BTNL9: variants seen among roughly 807,000 people sequenced by gnomAD.
The protein encoded by BTNL9 is butyrophilin like 9.
In BTNL9, 45 loss-of-function variants were observed where a neutral mutation model predicts 45.8. The observed-to-expected ratio is 0.98, with a 90% CI of 0.77 to 1.26. The LOEUF is 1.26. Ranked by LOEUF, BTNL9 falls within the 50% of genes most tolerant of loss-of-function variation. BTNL9 has a pLI of 0.00. For synonymous variants in BTNL9, 346 were observed against 330.8 expected (o/e 1.05, Z -0.50); for missense variants, 784 against 729.7 (o/e 1.07, Z -0.86).
intron 3 of BTNL9, 150 bp downstream of exon 3, chr5:181,048,421 A>G (rs1761307479): frequency 1.4e-5 from 11 of 761,322 alleles, no homozygotes; most frequent in Non-Finnish European, 2.0e-5. Flanking sequence ...TGAACAAACA[A>G]AACAAACAGT....
Position 181,059,834 on chromosome 5 carries a change from C to T in BTNL9, c.1580C>T (p.Pro527Leu). The part of the protein sequence containing the change: ...DSDTWLQPYE[P>L]ADPALDWW ...GACACCTGGCTACAGCCCTATGAGC[C>T]CGCGGACCCCGCCCTGGACTGGTGG... Residue 527 changes from proline to leucine, a missense_variant, in exon 11 of 11, where the codon CCC becomes CTC. By Grantham distance (98) the Pro-to-Leu change is moderately conservative. Coordinates refer to ENST00000327705, the MANE Select transcript of BTNL9 (RefSeq NM_152547.5). The T allele has an allele frequency of 6.3e-7, 1 of 1,587,498 alleles. No homozygotes were observed. The highest frequency in any genetic ancestry group is 8.5e-7 in the Non-Finnish European group (1 of 1,173,014).
Position 181,053,282 on chromosome 5 carries a change from G to A in BTNL9, c.819G>A (p.Ala273=). ...LPLLLVLAAL[A]LGVLRKQRRS... is the part of the protein sequence containing the mutation. Reference sequence around the variant, plus strand: ...TGCTGTTGGTCCTCGCGGCGCTGGCGCTGGGCGTCCTCCGGAAGCAGCGGA... The same window carrying A: ...TGCTGTTGGTCCTCGCGGCGCTGGCACTGGGCGTCCTCCGGAAGCAGCGGA... Residue 273 remains alanine, a synonymous_variant, in exon 5 of 11, where the codon GCG becomes GCA. Coordinates refer to ENST00000327705, the MANE Select transcript of BTNL9 (RefSeq NM_152547.5). This position sits in a 1 kb window ranked among gnomAD's most constrained non-coding sequence, Gnocchi z 6.5. The A allele has an allele frequency of 1.3e-6, 2 of 1,582,938 alleles. No homozygotes were observed. The highest frequency in any genetic ancestry group is 8.6e-7 in the Non-Finnish European group (1 of 1,166,320).
chr5:181,057,539 A>G (rs1561987676), intron 9 of BTNL9, among the ~76,000 whole-genome samples: 1 of 152,224 alleles, frequency 6.6e-6, no homozygotes, highest in Non-Finnish European at 1.5e-5. Flanking sequence ...TGGCTTTTGT[A>G]GTAGCTGAAA....
rs776704593 is a variant in BTNL9, at chr5:181,050,135, G to A, written c.502G>A (p.Gly168Ser). ...HLSLEGFKEG[G>S]IQLRLRSSGW... ...CTCCCTTGAGGGCTTCAAGGAAGGA[G>A]GCATTCAGCTGAGGCTCAGATCCAG... Residue 168 changes from glycine (G) to serine (S), a missense_variant, in exon 4 of 11, where the codon GGC (glycine) becomes AGC (serine). Gly to Ser is a moderately conservative substitution (Grantham distance 56). Coordinates refer to ENST00000327705, the MANE Select transcript of BTNL9 (RefSeq NM_152547.5). This position sits in a 1 kb window ranked among gnomAD's most constrained non-coding sequence, Gnocchi z 4.9. 3.1e-6 allele frequency: 5 copies of A among 1,614,124 alleles called. No individual in the cohort carries two copies. The highest frequency in any genetic ancestry group is 4.2e-6 in the Non-Finnish European group (5 of 1,180,034).
chr5:181,048,726 T>TG lies in BTNL9; in HGVS notation c.454+455_454+456insG, dbSNP rs1491291864. ...CTCTGTCTTGAAATATATATATATATCTATATATATATCTATCTATATATA... is the reference window on the plus strand; with the variant it reads ...CTCTGTCTTGAAATATATATATATATGCTATATATATATCTATCTATATATA... On this transcript the variant is annotated intron_variant, in intron 3 of 10. Coordinates refer to ENST00000327705, the MANE Select transcript of BTNL9 (RefSeq NM_152547.5). Among the ~76,000 whole-genome samples the TG allele has an allele frequency of 2.8e-4, 35 of 124,012 alleles. 1 individual carries two copies. The highest frequency in any genetic ancestry group is 1.1e-3 in the African/African-American group (34 of 30,596). 81.4% of individuals were successfully genotyped at this position (124,012 alleles called of 152,430 possible).
rs199625985 is a variant in BTNL9 at position 181,048,243 on chromosome 5, C to T, written c.426C>T (p.Gly142=). The stretch of plus-strand genomic sequence containing the variant: ...GCTTCCACTCCGACAACTTCTCTGG[C>T]GAAGCTCTCTGGGAACTGGAGGTAG... The part of the protein sequence containing the change: ...GCRFHSDNFS[G]EALWELEVAG... The change falls in exon 3 of 11, where the codon GGC becomes GGT. Residue 142 remains glycine, a synonymous_variant. Transcript: ENST00000327705. The T allele has an allele frequency of 2.2e-5, 35 of 1,611,344 alleles. No individual in the cohort carries two copies. Among genetic ancestry groups the T allele is most frequent in the East Asian group, 4.5e-5 (2 of 44,842 alleles).
chr5:181,059,372 C>A lies in BTNL9; in HGVS notation c.1118C>A (p.Ala373Glu). Residue 373 changes from alanine (A) to glutamate (E), a missense_variant, in exon 11 of 11, where the codon GCG (alanine) becomes GAG (glutamate). Coordinates refer to ENST00000327705, the MANE Select transcript of BTNL9 (RefSeq NM_152547.5). ...CAGCGGTTCTCGGAGCAGACGTGCGCGCTGAGCCTGGAGCGGTTCTCCGCC... is the reference window on the plus strand; with the variant it reads ...CAGCGGTTCTCGGAGCAGACGTGCGAGCTGAGCCTGGAGCGGTTCTCCGCC... ...HPQRFSEQTC[A>E]LSLERFSAGR... The A allele has an allele frequency of 6.5e-7, 1 of 1,537,484 alleles. No individual in the cohort carries two copies. The highest frequency in any genetic ancestry group is 8.7e-7 in the Non-Finnish European group (1 of 1,144,244).
At position 181,059,584 on chromosome 5, in the gene BTNL9, G is replaced by T; in HGVS notation, c.1330G>T (p.Val444Leu). 1.2e-6 allele frequency: 2 copies of T among 1,612,776 alleles called. No homozygotes were observed. Among genetic ancestry groups the T allele is most frequent in the African/African-American group, 1.3e-5 (1 of 75,050 alleles). The change falls in exon 11 of 11, where the codon GTG (valine) becomes TTG (leucine). Residue 444 changes from valine (V) to leucine (L), a missense_variant. By Grantham distance (32) the Val-to-Leu change is conservative. Transcript: ENST00000327705. ...APHRVALTLR[V>L]PPRRLGVFLD... is the part of the protein sequence containing the mutation. ...GCACCGCGTCGCGCTCACCCTGCGC[G>T]TGCCCCCGCGGCGCCTGGGCGTCTT...
intron 9 of BTNL9, chr5:181,056,446 A>G (rs1761886218): frequency 2.9e-6 from 2 of 679,240 alleles, no homozygotes; most frequent in Non-Finnish European, 5.5e-6. Context: ...TGGTTCTGTG[A>G]TGTTCCTTGC....
chr5:181,059,170 C>G, intron 10 of BTNL9, 67 bp from the exon 11 acceptor site: 1 of 1,420,048 alleles, frequency 7.0e-7, no homozygotes, highest in Non-Finnish European at 9.2e-7. Context: ...GGTTTGTCCG[C>G]CTTGGGGAAG....
chr5:181,046,866 G>T (rs149305408), intron 2 of BTNL9, among the ~76,000 whole-genome samples: 42 of 152,338 alleles, frequency 2.8e-4, no homozygotes, highest in African/African-American at 1.0e-3. Flanking sequence ...ACAGGTAGGG[G>T]ATTAGCTGAG....
rs1034635566 is a variant in BTNL9, at chr5:181,055,151, C to G, written c.908-282C>G. 1.8e-4 allele frequency: 228 copies of G among 1,248,500 alleles called. No homozygotes were observed. Among genetic ancestry groups the G allele is most frequent in the Non-Finnish European group, 2.3e-4 (224 of 993,088 alleles). The allele number at this position is 1,248,500 out of a possible 1,614,324, so 77.3% of individuals were successfully genotyped here. A position where few individuals can be genotyped will look rare whatever the true frequency, so the allele number is the denominator to read the frequency against. On this transcript the variant is annotated intron_variant, in intron 7 of 10. Transcript: ENST00000327705. This position sits in a 1 kb window ranked among gnomAD's most constrained non-coding sequence, Gnocchi z 4.4. The stretch of plus-strand genomic sequence containing the variant: ...GTGATTTCAGGCAGAAGGAACAACC[C>G]CAACCCTGGGAAGAGGCCTGTCAGT...
intron 2 of BTNL9, among the ~76,000 whole-genome samples, chr5:181,046,439 C>G (rs569604823): frequency 1.4e-4 from 22 of 152,270 alleles, no homozygotes; most frequent in Non-Finnish European, 3.2e-4. Context: ...TTGTGCTGAA[C>G]CCATTGATAT....
chr5:181,051,743 G>A (rs980735631), intron 4 of BTNL9, among the ~76,000 whole-genome samples: 2 of 118,306 alleles, frequency 1.7e-5, no homozygotes, highest in African/African-American at 6.5e-5. Flanking sequence ...AACTAAGAGA[G>A]GGGAAGAGGA....
chr5:181,050,945 G>A lies in BTNL9; in HGVS notation c.736+576G>A, dbSNP rs1173097094. Among the ~76,000 whole-genome samples the A allele has an allele frequency of 1.3e-5, 2 of 151,976 alleles. No individual in the cohort carries two copies. Among genetic ancestry groups the A allele is most frequent in the Admixed American group, 6.6e-5 (1 of 15,264 alleles). ...CTACTAAAATTACAAAAATTAGCCC[G>A]GCATAGTGGCAGGCGCCTGTAATCC... On this transcript the variant is annotated intron_variant, in intron 4 of 10. Transcript: ENST00000327705. The surrounding 1 kb of genome is among the most constrained non-coding windows in gnomAD (Gnocchi z 4.9).
chr5:181,043,456 G>A (rs1325345856), intron 1 of BTNL9: 2 of 152,336 alleles, frequency 1.3e-5, no homozygotes, highest in African/African-American at 4.8e-5. Flanking sequence ...CCTGCCCCCA[G>A]TCCAGGGAAA....
Position 181,059,319 on chromosome 5 carries a change from G to A in BTNL9, c.1065G>A (p.Ala355=). Reference sequence around the variant, plus strand: ...GCAAGAGCGTGTCTTCCCGCGGGGCGCCGCCAGGCCCGGCGCCTGGCCACC... The same window carrying A: ...GCAAGAGCGTGTCTTCCCGCGGGGCACCGCCAGGCCCGGCGCCTGGCCACC... ...EDGKSVSSRG[A]PPGPAPGHPQ... is the part of the protein sequence containing the mutation. The change falls in exon 11 of 11, where the codon GCG becomes GCA. Residue 355 remains alanine, a synonymous_variant. Coordinates refer to ENST00000327705, the MANE Select transcript of BTNL9 (RefSeq NM_152547.5). The A allele has an allele frequency of 6.4e-7, 1 of 1,555,846 alleles. No homozygotes were observed. Among genetic ancestry groups the A allele is most frequent in the African/African-American group, 1.4e-5 (1 of 73,632 alleles).
chr5:181,058,819 A>AG (rs928988614), intron 10 of BTNL9, among the ~76,000 whole-genome samples: 10 of 151,946 alleles, frequency 6.6e-5, no homozygotes, highest in East Asian at 1.9e-4. Flanking sequence ...GTATGTAAAA[A>AG]AAAAAAAAAA....
rs1459029554 is a variant in BTNL9 at position 181,056,518 on chromosome 5, G to GT, written c.955+508dup. The GT allele has an allele frequency of 3.3e-5, 24 of 716,922 alleles. No individual in the cohort carries two copies. In the Admixed American group the frequency reaches 4.4e-4, roughly 13 times the overall value. 44.4% of individuals were successfully genotyped at this position (716,922 alleles called of 1,614,324 possible). On this transcript the variant is annotated intron_variant, in intron 9 of 10. Coordinates refer to ENST00000327705, the MANE Select transcript of BTNL9 (RefSeq NM_152547.5). Reference sequence around the variant, plus strand: ...GCTGCCACTCGTGTGCATTCAGTCTGTTTTTCCTCCTTACTGCAGAGTGCT... The same window carrying GT: ...GCTGCCACTCGTGTGCATTCAGTCTGTTTTTTCCTCCTTACTGCAGAGTGCT...
Sources: allele counts gnomAD v4.1 joint callset (sites outside exome capture counted in the v4.1 genomes callset), GRCh38; gene constraint gnomAD v4.1.1; non-coding constraint Gnocchi (gnomAD v3.1); transcripts MANE v1.5; gene names NCBI Gene and HGNC (gene_info 2026-07-23, HGNC 2026-07-21).